The following OVOL2 variants were observed in gnomAD, a reference collection of about 807,000 sequenced individuals.
OVOL2 encodes ovo like zinc finger 2.
Under a neutral mutation model 18.1 loss-of-function variants are expected in OVOL2, and 13 were observed. The ratio of observed to expected loss-of-function variants is 0.72; its 90% CI spans 0.47 to 1.14. OVOL2 has a LOEUF of 1.14. Among genes scored for constraint, OVOL2 ranks in the 50% most tolerant of loss-of-function variants. The probability of loss-of-function intolerance (pLI) is 0.00; values close to 1 mark genes in which losing one functional copy is unlikely to be tolerated. For synonymous variants in OVOL2, 166 were observed against 162.7 expected (o/e 1.02, Z -0.16); for missense variants, 335 against 383.0 (o/e 0.87, Z 1.05).
In OVOL2 at chr20:18,057,794, TC is replaced by T; in HGVS notation, c.-161del. 1 of 1,363,390 alleles carries T rather than the reference TC, an allele frequency of 7.3e-7. No individual in the cohort carries two copies. Among genetic ancestry groups the T allele is most frequent in the South Asian group, 1.7e-5 (1 of 57,830 alleles). The allele number at this position is 1,363,390 out of a possible 1,614,324, so 84.5% of individuals were successfully genotyped here. On this transcript the variant is annotated 5_prime_UTR_variant, in exon 1 of 4. The change abolishes the stop of an existing upstream ORF in the 5' untranslated region. Transcript: ENST00000278780. This position sits in a 1 kb window ranked among gnomAD's most constrained non-coding sequence, Gnocchi z 6.3. Reference sequence around the variant, plus strand: ...CCCGCCGCGGCGCGGCCCAGGCCTCTCCCCCGCACGCCTGGCGACTCCCAGC... The same window carrying T: ...CCCGCCGCGGCGCGGCCCAGGCCTCTCCCCGCACGCCTGGCGACTCCCAGC...
intron 2 of OVOL2, among the ~76,000 whole-genome samples, chr20:18,047,529 T>C (rs1411637377): frequency 6.9e-6 from 1 of 144,556 alleles, no homozygotes; most frequent in Non-Finnish European, 1.5e-5. Context: ...TAAATATAAA[T>C]AAATATAATA....
At chr20:18,026,970 A>G (rs1600431943) in intron 3 of OVOL2, among the ~76,000 whole-genome samples, 1 of 152,152 alleles carries the variant, frequency 6.6e-6, no homozygotes, top group South Asian at 2.1e-4. Flanking sequence ...GGGAGGGGCC[A>G]AGGGCTGAGA....
chr20:18,032,652 G>A (rs1440159391), intron 3 of OVOL2, among the ~76,000 whole-genome samples: 1 of 151,840 alleles, frequency 6.6e-6, no homozygotes, highest in African/African-American at 2.4e-5. Context: ...GATTACAGGC[G>A]CCAGCCACCA....
chr20:18,028,004 G>T (rs1568631053), intron 3 of OVOL2, among the ~76,000 whole-genome samples: 3 of 151,988 alleles, frequency 2.0e-5, no homozygotes, highest in Non-Finnish European at 2.9e-5. Context: ...GGTGCATGGA[G>T]CATGAAGAGG....
In OVOL2 at chr20:18,057,757, CT is replaced by C; in HGVS notation, c.-124del. The C allele has an allele frequency of 7.0e-7, 1 of 1,420,396 alleles. No individual in the cohort carries two copies. The highest frequency in any genetic ancestry group is 9.1e-7 in the Non-Finnish European group (1 of 1,094,660). 88.0% of individuals were successfully genotyped at this position (1,420,396 alleles called of 1,614,324 possible). ...CCCACCTTCCCGCCTCGCCTGCCCT[CT>C]TCCTCCACCCCCCGCCGCGGCGCGG... On this transcript the variant is annotated 5_prime_UTR_variant, in exon 1 of 4. It removes the in-frame stop codon of an upstream open reading frame in the 5' UTR. Coordinates refer to ENST00000278780, the MANE Select transcript of OVOL2 (RefSeq NM_021220.4). This position sits in a 1 kb window ranked among gnomAD's most constrained non-coding sequence, Gnocchi z 6.3.
chr20:18,034,884 G>A (rs2122699471), intron 3 of OVOL2, among the ~76,000 whole-genome samples: 1 of 152,140 alleles, frequency 6.6e-6, no homozygotes, highest in Non-Finnish European at 1.5e-5. Flanking sequence ...AGTCGGGGGT[G>A]GTGCAGATTA....
chr20:18,051,159 T>TGTG (rs2036768332), intron 2 of OVOL2, among the ~76,000 whole-genome samples: 1 of 152,042 alleles, frequency 6.6e-6, no homozygotes, highest in African/African-American at 2.4e-5. Flanking sequence ...GAGGATCGTT[T>TGTG]CAGCCCAGGA....
chr20:18,045,207 GA>G (rs1405548511), intron 2 of OVOL2, among the ~76,000 whole-genome samples: 1 of 152,166 alleles, frequency 6.6e-6, no homozygotes, highest in Admixed American at 6.5e-5. Flanking sequence ...GAAGGGATTT[GA>G]AAAGACTAAA....
At position 18,056,945 on chromosome 20, in the gene OVOL2, ACCT is replaced by A; in HGVS notation, c.101-71_101-69del. 7.2e-7 allele frequency: 1 copy of A among 1,396,140 alleles called. No homozygotes were observed. Among genetic ancestry groups the A allele is most frequent in the Non-Finnish European group, 9.2e-7 (1 of 1,084,576 alleles). The allele number at this position is 1,396,140 out of a possible 1,614,324, so 86.5% of individuals were successfully genotyped here. A position where few individuals can be genotyped will look rare whatever the true frequency, so the allele number is the denominator to read the frequency against. On this transcript the variant is annotated intron_variant, in intron 1 of 3. Transcript: ENST00000278780. The surrounding 1 kb of genome is among the most constrained non-coding windows in gnomAD (Gnocchi z 4.2). The stretch of plus-strand genomic sequence containing the variant: ...CAACCCGCACGCCCGCGGCAGTTTG[ACCT>A]GCGGGCGGTGCTGCCGCCGCCCCGC...
rs1344572745 is a variant in OVOL2, at chr20:18,041,587, C to T, written c.458G>A (p.Gly153Asp). The change falls in exon 3 of 4, where the codon GGC becomes GAC. Residue 153 changes from glycine to aspartate, a missense_variant. Coordinates refer to ENST00000278780, the MANE Select transcript of OVOL2 (RefSeq NM_021220.4). ...QVKRHLCTFC[G>D]KGFNDTFDLK... ...GTCGAAGGTGTCGTTGAAGCCCTTG[C>T]CGCAGAAGGTGCACAGGTGTCTTTT... The T allele has an allele frequency of 6.2e-7, 1 of 1,614,148 alleles. No homozygotes were observed. The highest frequency in any genetic ancestry group is 1.7e-5 in the Admixed American group (1 of 60,018).
At chr20:18,040,731 A>AG (rs1238680552) in intron 3 of OVOL2, among the ~76,000 whole-genome samples, 3 of 152,210 alleles carry the variant, frequency 2.0e-5, no homozygotes, top group African/African-American at 7.2e-5. Context: ...AAACTGAGGC[A>AG]GGTCCCAGAA....
rs983979022 is a variant in OVOL2, at chr20:18,056,948, T to G, written c.101-71A>C. On this transcript the variant is annotated intron_variant, in intron 1 of 3. Transcript: ENST00000278780. The surrounding 1 kb of genome is among the most constrained non-coding windows in gnomAD (Gnocchi z 4.2). ...CCCGCACGCCCGCGGCAGTTTGACC[T>G]GCGGGCGGTGCTGCCGCCGCCCCGC... is the stretch of plus-strand genomic sequence containing the variant. 1 of 1,387,694 alleles carries G rather than the reference T, an allele frequency of 7.2e-7. No homozygotes were observed. Among genetic ancestry groups the G allele is most frequent in the Admixed American group, 3.6e-5 (1 of 28,068 alleles). 86.0% of individuals were successfully genotyped at this position (1,387,694 alleles called of 1,614,324 possible).
rs376394167 is a variant in OVOL2 at position 18,024,750 on chromosome 20, C to T, written c.714G>A (p.Pro238=). 1.1e-4 allele frequency: 175 copies of T among 1,614,114 alleles called. No individual in the cohort carries two copies. Among genetic ancestry groups the T allele is most frequent in the Non-Finnish European group, 1.4e-4 (160 of 1,180,036 alleles). ...DLYLHVNSAH[P]GSSFLKKTSK... The stretch of plus-strand genomic sequence containing the variant: ...ATGTCTTTTTGAGAAACGAGCTGCC[C>T]GGATGGGCACTGTTCACGTGCAGGT... The change falls in exon 4 of 4, where the codon CCG becomes CCA. Residue 238 remains proline, a synonymous_variant. Transcript: ENST00000278780.
chr20:18,024,838 C>T lies in OVOL2; in HGVS notation c.626G>A (p.Arg209Gln), dbSNP rs1047991926. 8.7e-6 allele frequency: 14 copies of T among 1,614,096 alleles called. No individual in the cohort carries two copies. The highest frequency in any genetic ancestry group is 2.2e-5 in the East Asian group (1 of 44,904). The change falls in exon 4 of 4, where the codon CGG becomes CAG. Residue 209 changes from arginine to glutamine, a missense_variant. Transcript: ENST00000278780. ...GVQQQYAYKQ[R>Q]RDKLYVCEDC... Reference sequence around the variant, plus strand: ...CTCGCAGACGTAGAGCTTGTCCCGCCGCTGCTTATAGGCATACTGCTGCTG... The same window carrying T: ...CTCGCAGACGTAGAGCTTGTCCCGCTGCTGCTTATAGGCATACTGCTGCTG...
At chr20:18,059,131 A>G (rs1385901479), upstream of OVOL2, 1 of 152,360 alleles carries the variant, frequency 6.6e-6, no homozygotes, top group African/African-American at 2.4e-5. Context: ...CCGGGAATCA[A>G]CACAGCGGTT....
chr20:18,027,557 A>T (rs1169021579), intron 3 of OVOL2, among the ~76,000 whole-genome samples: 1 of 151,774 alleles, frequency 6.6e-6, no homozygotes, highest in Non-Finnish European at 1.5e-5. Flanking sequence ...TAAATAAATA[A>T]ATAAATAAAT....
chr20:18,038,867 A>G (rs1187904878), intron 3 of OVOL2, among the ~76,000 whole-genome samples: 2 of 151,968 alleles, frequency 1.3e-5, no homozygotes, highest in East Asian at 1.9e-4. Context: ...CTGCTGCTGG[A>G]TGGGTCCCTT....
At chr20:18,047,670 A>G (rs2036734804) in intron 2 of OVOL2, among the ~76,000 whole-genome samples, 1 of 150,082 alleles carries the variant, frequency 6.7e-6, no homozygotes, top group Non-Finnish European at 1.5e-5. Flanking sequence ...CCTGACCAAC[A>G]TGGTGAAACC....
chr20:18,038,736 T>A (rs950510392), intron 3 of OVOL2, among the ~76,000 whole-genome samples: 1 of 151,908 alleles, frequency 6.6e-6, no homozygotes, highest in Admixed American at 6.5e-5. Flanking sequence ...TCCTCAGAGA[T>A]GATGTCCTTG....
Sources: allele counts gnomAD v4.1 joint callset (sites outside exome capture counted in the v4.1 genomes callset), GRCh38; gene constraint gnomAD v4.1.1; non-coding constraint Gnocchi (gnomAD v3.1); transcripts MANE v1.5; gene names NCBI Gene and HGNC (gene_info 2026-07-23, HGNC 2026-07-21).